Variants in MPPED2 observed in about 807,000 individuals in gnomAD.
MPPED2 encodes metallophosphoesterase domain containing 2, also known as metallophosphoesterase MPPED2.
In MPPED2, 5 loss-of-function variants were observed where a neutral mutation model predicts 33.0. The observed-to-expected ratio is 0.15, with a 90% CI of 0.08 to 0.32. The LOEUF (loss-of-function observed/expected upper bound fraction) is 0.32, where lower values mean the gene tolerates loss of function less well. Ranked by LOEUF, MPPED2 falls within the 10% of genes least tolerant of loss-of-function variation. The pLI, the probability that MPPED2 is intolerant of heterozygous loss-of-function variation, is 1.00. For missense variants in MPPED2, 275 were observed against 372.1 expected (o/e 0.74, Z 2.15); for synonymous variants, 136 against 141.9 (o/e 0.96, Z 0.29).
chr11:30,536,326 G>A (rs915199501), intron 2 of MPPED2, 151 bp from the exon 3 acceptor site: 2 of 613,922 alleles, frequency 3.3e-6, no homozygotes, highest in South Asian at 4.4e-5. Flanking sequence ...GACACTTCTG[G>A]GTGTAACAGA....
At chr11:30,558,961 G>A (rs909828163) in intron 2 of MPPED2, among the ~76,000 whole-genome samples, 3 of 152,032 alleles carry the variant, frequency 2.0e-5, no homozygotes, top group African/African-American at 7.2e-5. Flanking sequence ...AGTGGGATAA[G>A]CATGGTTAAT....
chr11:30,445,408 A>T (rs553699068), intron 4 of MPPED2, among the ~76,000 whole-genome samples: 1 of 152,352 alleles, frequency 6.6e-6, no homozygotes, highest in South Asian at 2.1e-4. Flanking sequence ...AGGGATTTGC[A>T]TTCCAGTCTA....
chr11:30,396,604 C>G (rs589338), intron 6 of MPPED2, among the ~76,000 whole-genome samples: 54,391 of 151,918 alleles, frequency 0.36, 10,027 homozygotes, highest in Non-Finnish European at 0.38. Flanking sequence ...CATAGTCACA[C>G]CTTCCTACAT....
intron 4 of MPPED2, among the ~76,000 whole-genome samples, chr11:30,455,831 A>G (rs1220616863): frequency 2.0e-5 from 3 of 152,198 alleles, no homozygotes; most frequent in Non-Finnish European, 4.4e-5. Flanking sequence ...CATGCTCAGA[A>G]CTGCCTCTGG....
intron 3 of MPPED2, chr11:30,501,553 T>C (rs1194552290): frequency 8.2e-6 from 7 of 850,166 alleles, no homozygotes; most frequent in Non-Finnish European, 9.9e-6. Flanking sequence ...TTCCAGTATT[T>C]ATCAAATACC....
intron 4 of MPPED2, among the ~76,000 whole-genome samples, chr11:30,431,453 C>T (rs1949074082): frequency 6.6e-6 from 1 of 152,188 alleles, no homozygotes; most frequent in Non-Finnish European, 1.5e-5. Context: ...GGCAATGACA[C>T]ATTGTTGGGA....
intron 6 of MPPED2, 103 bp from the exon 7 acceptor site, chr11:30,411,689 G>A: frequency 1.2e-6 from 1 of 849,120 alleles, no homozygotes; most frequent in Non-Finnish European, 1.7e-6. Flanking sequence ...TCAGTGGGCA[G>A]TGAGATGAAA....
intron 4 of MPPED2, among the ~76,000 whole-genome samples, chr11:30,435,362 C>T (rs1011377844): frequency 2.0e-5 from 3 of 152,188 alleles, no homozygotes; most frequent in Non-Finnish European, 2.9e-5. Context: ...AAAAGTGGTG[C>T]TGTCTGCCTT....
chr11:30,545,873 A>ATTT (rs201989920), intron 2 of MPPED2, among the ~76,000 whole-genome samples: 2 of 151,734 alleles, frequency 1.3e-5, no homozygotes, highest in East Asian at 3.9e-4. Context: ...ACATATATAT[A>ATTT]TTTTTTTTAG....
chr11:30,415,596 A>C (rs1189544333), intron 5 of MPPED2, among the ~76,000 whole-genome samples: 1 of 152,146 alleles, frequency 6.6e-6, no homozygotes, highest in Non-Finnish European at 1.5e-5. Flanking sequence ...AAGGTTTAAC[A>C]ATACCTTAGG....
chr11:30,410,292 G>T lies in MPPED2; in HGVS notation c.*1176C>A, dbSNP rs1948056420. On this transcript the variant is annotated 3_prime_UTR_variant, in exon 7 of 7. Transcript: ENST00000358117. ...TATAGAATATCACAATAAATTTAAAGAAACAACTGCTTTCCTAAATTTCAT... is the reference window on the plus strand; with the variant it reads ...TATAGAATATCACAATAAATTTAAATAAACAACTGCTTTCCTAAATTTCAT... 1 of 984,938 alleles carries T rather than the reference G, an allele frequency of 1.0e-6. No homozygotes were observed. Among genetic ancestry groups the T allele is most frequent in the African/African-American group, 1.7e-5 (1 of 57,180 alleles). 61.0% of individuals were successfully genotyped at this position (984,938 alleles called of 1,614,324 possible). A position where few individuals can be genotyped will look rare whatever the true frequency, so the allele number is the denominator to read the frequency against.
chr11:30,431,398 A>G, intron 4 of MPPED2, among the ~76,000 whole-genome samples: 1 of 152,222 alleles, frequency 6.6e-6, no homozygotes, highest in East Asian at 1.9e-4. Flanking sequence ...CACCTCTCTG[A>G]ATCTGTTTCC....
intron 6 of MPPED2, among the ~76,000 whole-genome samples, chr11:30,401,919 G>A (rs188390399): frequency 5.2e-4 from 78 of 150,620 alleles, no homozygotes; most frequent in African/African-American, 1.3e-3. Context: ...GGATGGTCTC[G>A]ATCTCCTGAC....
chr11:30,414,389 A>G, intron 5 of MPPED2, 48 bp from the exon 6 acceptor site: 1 of 1,245,050 alleles, frequency 8.0e-7, no homozygotes, highest in South Asian at 1.2e-5. Flanking sequence ...TCTTCAGGTA[A>G]GGTTTCATTT....
chr11:30,464,915 C>G (rs1360083093), intron 4 of MPPED2, among the ~76,000 whole-genome samples: 2 of 152,272 alleles, frequency 1.3e-5, no homozygotes, highest in Admixed American at 6.5e-5. Flanking sequence ...CAATTCAACT[C>G]AGTTAAGAGA....
At chr11:30,496,414 A>T (rs535791202) in intron 3 of MPPED2, among the ~76,000 whole-genome samples, 2 of 152,274 alleles carry the variant, frequency 1.3e-5, no homozygotes, top group South Asian at 4.2e-4. Context: ...CCTGAAATTA[A>T]TGTTCTTTTC....
At chr11:30,470,363 G>A (rs949985753) in intron 4 of MPPED2, among the ~76,000 whole-genome samples, 3 of 152,054 alleles carry the variant, frequency 2.0e-5, no homozygotes, top group African/African-American at 7.2e-5. Context: ...TTTTAAATGT[G>A]TCCAGAATAC....
chr11:30,423,804 A>G (rs1201088722), intron 4 of MPPED2, among the ~76,000 whole-genome samples: 1 of 152,218 alleles, frequency 6.6e-6, no homozygotes, highest in Admixed American at 6.5e-5. Context: ...GTGTGTGTAC[A>G]TATATACATA....
chr11:30,486,279 T>A (rs1951738063), intron 4 of MPPED2, among the ~76,000 whole-genome samples: 1 of 152,168 alleles, frequency 6.6e-6, no homozygotes, highest in Non-Finnish European at 1.5e-5. Context: ...TGGCAAGACC[T>A]GGAGAAGTTC....
Sources: gnomAD v4.1 joint callset for allele counts (sites outside exome capture counted in the v4.1 genomes callset) on GRCh38, gnomAD v4.1.1 for gene constraint, MANE v1.5 for transcripts, NCBI Gene and HGNC (gene_info 2026-07-23, HGNC 2026-07-21) for gene names.